CCDC178: variants seen among roughly 807,000 people sequenced by gnomAD.
CCDC178 encodes coiled-coil domain containing 178.
In CCDC178, 126 loss-of-function variants were observed where a neutral mutation model predicts 117.4. The ratio of observed to expected loss-of-function variants is 1.07; its 90% CI spans 0.93 to 1.24. CCDC178 has a LOEUF of 1.24. Ranked by LOEUF, CCDC178 falls within the 50% of genes most tolerant of loss-of-function variation. CCDC178 has a pLI of 0.00. For synonymous variants in CCDC178, 283 were observed against 313.4 expected (o/e 0.90, Z 1.02); for missense variants, 1,030 against 986.9 (o/e 1.04, Z -0.59).
chr18:33,370,272 CT>C, intron 5 of CCDC178, 83 bp from the exon 6 acceptor site: 1 of 942,536 alleles, frequency 1.1e-6, no homozygotes, highest in Non-Finnish European at 1.5e-6. Flanking sequence ...AAAAATTCTG[CT>C]TTATTAGTGC....
At chr18:33,075,854 AGCTACTCGGGAG>A in intron 21 of CCDC178, among the ~76,000 whole-genome samples, 1 of 152,134 alleles carries the variant, frequency 6.6e-6, no homozygotes, top group African/African-American at 2.4e-5. Flanking sequence ...CTGTAATCCC[AGCTACTCGGGAG>A]GCTGAGGCAG....
intron 3 of CCDC178, among the ~76,000 whole-genome samples, chr18:33,405,318 C>T (rs1232682133): frequency 1.3e-5 from 2 of 151,064 alleles, no homozygotes; most frequent in African/African-American, 4.9e-5. Flanking sequence ...CATCTATATC[C>T]ATTAAAAGAT....
At chr18:33,361,204 A>C (rs1568175365) in intron 6 of CCDC178, among the ~76,000 whole-genome samples, 1 of 151,690 alleles carries the variant, frequency 6.6e-6, no homozygotes, top group Non-Finnish European at 1.5e-5. Context: ...ACGGACAACT[A>C]ATTTTTGACA....
intron 21 of CCDC178, among the ~76,000 whole-genome samples, chr18:32,976,405 G>A (rs985690960): frequency 2.6e-5 from 4 of 152,016 alleles, no homozygotes; most frequent in African/African-American, 9.7e-5. Flanking sequence ...CTGGGTATTG[G>A]GGGTTCAGGA....
At chr18:33,237,715 C>T (rs894177952) in intron 15 of CCDC178, among the ~76,000 whole-genome samples, 2 of 152,194 alleles carry the variant, frequency 1.3e-5, no homozygotes, top group African/African-American at 4.8e-5. Context: ...CCACAGGCCA[C>T]CCCTGGCAGA....
intron 2 of CCDC178, among the ~76,000 whole-genome samples, chr18:33,423,198 C>G (rs775864222): frequency 1.3e-5 from 2 of 152,068 alleles, no homozygotes; most frequent in Non-Finnish European, 2.9e-5. Flanking sequence ...ATTTAAATTC[C>G]TATTCAGTCC....
At chr18:33,406,173 T>A (rs771541103) in intron 3 of CCDC178, among the ~76,000 whole-genome samples, 2 of 152,034 alleles carry the variant, frequency 1.3e-5, no homozygotes, top group African/African-American at 2.4e-5. Flanking sequence ...CATTTAAATA[T>A]AAAAATGTAA....
intron 22 of CCDC178, among the ~76,000 whole-genome samples, chr18:32,939,300 T>C (rs2054188118): frequency 6.6e-6 from 1 of 152,092 alleles, no homozygotes; most frequent in South Asian, 2.1e-4. Context: ...TATCATTTTC[T>C]TCTAGGAATA....
intron 8 of CCDC178, among the ~76,000 whole-genome samples, chr18:33,347,396 T>A (rs1476545229): frequency 6.6e-6 from 1 of 152,184 alleles, no homozygotes; most frequent in Middle Eastern, 3.2e-3. Context: ...ACAATCACTA[T>A]TTTTTAACCC....
intron 2 of CCDC178, among the ~76,000 whole-genome samples, chr18:33,423,889 A>G (rs2064071772): frequency 6.6e-6 from 1 of 152,194 alleles, no homozygotes; most frequent in Admixed American, 6.5e-5. Context: ...GGTAAGTGCC[A>G]TCTACTCTTG....
intron 5 of CCDC178, among the ~76,000 whole-genome samples, chr18:33,388,349 C>T (rs2063522061): frequency 6.6e-6 from 1 of 151,976 alleles, no homozygotes; most frequent in Non-Finnish European, 1.5e-5. Flanking sequence ...GACCCAGCAA[C>T]TGCATTACTG....
chr18:33,109,283 G>A (rs757349687), intron 20 of CCDC178, among the ~76,000 whole-genome samples: 12 of 151,650 alleles, frequency 7.9e-5, no homozygotes, highest in East Asian at 3.9e-4. Context: ...AACACAAGGA[G>A]AATAAACTTG....
intron 5 of CCDC178, among the ~76,000 whole-genome samples, chr18:33,375,800 T>C (rs1158424030): frequency 6.6e-6 from 1 of 152,086 alleles, no homozygotes; most frequent in East Asian, 1.9e-4. Flanking sequence ...CTGTTATTAG[T>C]GGAAGGTATC....
intron 6 of CCDC178, among the ~76,000 whole-genome samples, chr18:33,358,630 C>A (rs1023366741): frequency 6.6e-6 from 1 of 151,740 alleles, no homozygotes; most frequent in African/African-American, 2.4e-5. Flanking sequence ...AAAAAGAAAT[C>A]AATTTCACAT....
At chr18:33,303,489 C>T (rs1483659544) in intron 11 of CCDC178, among the ~76,000 whole-genome samples, 2 of 151,898 alleles carry the variant, frequency 1.3e-5, no homozygotes, top group Non-Finnish European at 2.9e-5. Context: ...AAACTATGAT[C>T]TTTGGGTGAT....
chr18:33,049,492 T>C (rs2056705846), intron 21 of CCDC178, among the ~76,000 whole-genome samples: 1 of 152,182 alleles, frequency 6.6e-6, no homozygotes, highest in African/African-American at 2.4e-5. Context: ...TTTTTATCAC[T>C]TTACATTATA....
intron 21 of CCDC178, among the ~76,000 whole-genome samples, chr18:33,003,370 GATGGTTCAAC>G (rs1261892933): frequency 6.6e-6 from 1 of 152,130 alleles, no homozygotes; most frequent in East Asian, 1.9e-4. Context: ...GGGATATAAG[GATGGTTCAAC>G]ATATGCAAAT....
intron 21 of CCDC178, among the ~76,000 whole-genome samples, chr18:32,996,866 C>A (rs1291357375): frequency 6.6e-6 from 1 of 151,258 alleles, no homozygotes; most frequent in Non-Finnish European, 1.5e-5. Flanking sequence ...TCATATAAAT[C>A]AATAAGAAAA....
chr18:33,196,264 T>C (rs418480), intron 20 of CCDC178, among the ~76,000 whole-genome samples: 24,513 of 152,084 alleles, frequency 0.16, 2,753 homozygotes, highest in African/African-American at 0.32. Flanking sequence ...CCAATAAAAA[T>C]TCTGAATACC....
Sources: gnomAD v4.1 joint callset for allele counts (sites outside exome capture counted in the v4.1 genomes callset) on GRCh38, gnomAD v4.1.1 for gene constraint, MANE v1.5 for transcripts, NCBI Gene and HGNC (gene_info 2026-07-23, HGNC 2026-07-21) for gene names.